Variants in SUPT3H observed in about 807,000 individuals in gnomAD.
The protein encoded by SUPT3H is transcription initiation protein SPT3 homolog.
SUPT3H carries 44 observed loss-of-function variants against 44.3 expected under a neutral mutation model. The observed-to-expected ratio is 0.99, with a 90% CI of 0.78 to 1.28. The LOEUF (loss-of-function observed/expected upper bound fraction) is 1.28. SUPT3H is among the 50% of genes most tolerant of loss of function. SUPT3H has a pLI of 0.00. For missense variants in SUPT3H, 380 were observed against 387.1 expected (o/e 0.98, Z 0.15); for synonymous variants, 124 against 125.6 (o/e 0.99, Z 0.09).
In SUPT3H at chr6:45,299,874, T is replaced by C. The variant is rs913507583; in HGVS notation, c.101+65327A>G. ...AGGAAAAATGTTTTTATGTTCTTTT[T>C]ATTGTCCAACATTTTGTCATTTTTC... is the stretch of plus-strand genomic sequence containing the variant. On this transcript the variant is annotated intron_variant, in intron 2 of 10. Coordinates refer to ENST00000371459, the MANE Select transcript of SUPT3H (RefSeq NM_003599.4). Among the ~76,000 whole-genome samples, 109 of 150,272 alleles carry C rather than the reference T, an allele frequency of 7.3e-4. 1 individual carries two copies. Among genetic ancestry groups the C allele is most frequent in the Non-Finnish European group, 2.2e-4 (15 of 67,608 alleles).
At chr6:45,363,007 T>C (rs1323786989) in intron 2 of SUPT3H, among the ~76,000 whole-genome samples, 2 of 152,074 alleles carry the variant, frequency 1.3e-5, no homozygotes, top group East Asian at 1.9e-4. Flanking sequence ...GGTAGGTACA[T>C]AGGTTTTTTA....
intron 6 of SUPT3H, among the ~76,000 whole-genome samples, chr6:44,979,392 T>A (rs71566509): frequency 0.037 from 5,610 of 152,280 alleles, 167 homozygotes; most frequent in Non-Finnish European, 0.059. Context: ...TTAGTATGAG[T>A]CTTAGGCTAA....
chr6:45,118,536 A>G (rs997520747), intron 2 of SUPT3H, among the ~76,000 whole-genome samples: 1 of 152,078 alleles, frequency 6.6e-6, no homozygotes, highest in African/African-American at 2.4e-5. Flanking sequence ...GCCATGCACC[A>G]TTTGTTCCTA....
At chr6:45,200,577 G>C (rs1762323546) in intron 2 of SUPT3H, among the ~76,000 whole-genome samples, 1 of 151,386 alleles carries the variant, frequency 6.6e-6, no homozygotes, top group African/African-American at 2.4e-5. Context: ...CTGTTTGTAA[G>C]CACTTTACAT....
At chr6:45,257,055 G>A (rs1360520701) in intron 2 of SUPT3H, among the ~76,000 whole-genome samples, 1 of 152,152 alleles carries the variant, frequency 6.6e-6, no homozygotes, top group Admixed American at 6.5e-5. Context: ...ATTCTTACTA[G>A]CAGTGTATGA....
At chr6:45,230,940 G>A (rs182272228) in intron 2 of SUPT3H, among the ~76,000 whole-genome samples, 2 of 151,908 alleles carry the variant, frequency 1.3e-5, no homozygotes, top group East Asian at 3.9e-4. Context: ...CAAAGTGCTG[G>A]GATTACAGGC....
chr6:45,241,574 C>T (rs923707876), intron 2 of SUPT3H, among the ~76,000 whole-genome samples: 12 of 152,186 alleles, frequency 7.9e-5, no homozygotes, highest in East Asian at 5.8e-4. Context: ...AATCTCTGTT[C>T]GGGGCTCTCA....
chr6:44,906,331 T>C (rs539506601), intron 10 of SUPT3H, among the ~76,000 whole-genome samples: 139 of 152,310 alleles, frequency 9.1e-4, no homozygotes, highest in African/African-American at 3.3e-3. Context: ...TCACCTCCTT[T>C]ACAGAGGAAC....
intron 9 of SUPT3H, among the ~76,000 whole-genome samples, chr6:44,941,969 T>C (rs2153466126): frequency 6.6e-6 from 1 of 152,172 alleles, no homozygotes; most frequent in Middle Eastern, 3.4e-3. Flanking sequence ...TGCCACTAAG[T>C]TCAAATTCAA....
intron 3 of SUPT3H, among the ~76,000 whole-genome samples, chr6:45,024,236 T>G (rs1003602078): frequency 1.3e-5 from 2 of 152,184 alleles, no homozygotes; most frequent in Non-Finnish European, 2.9e-5. Context: ...GGTTGAGAAG[T>G]AAAAGGTACA....
chr6:45,176,520 G>C (rs1461888361), intron 2 of SUPT3H, among the ~76,000 whole-genome samples: 1 of 152,074 alleles, frequency 6.6e-6, no homozygotes, highest in Non-Finnish European at 1.5e-5. Context: ...CATTGCCCAG[G>C]CTTGCTTAGG....
At chr6:45,030,878 A>G (rs1260443190) in intron 3 of SUPT3H, among the ~76,000 whole-genome samples, 1 of 152,212 alleles carries the variant, frequency 6.6e-6, no homozygotes, top group Non-Finnish European at 1.5e-5. Context: ...TGATCCATGC[A>G]GAGGGCAAGG....
chr6:44,872,880 C>G (rs901894050), intron 10 of SUPT3H, among the ~76,000 whole-genome samples: 1 of 13,196 alleles, frequency 7.6e-5, no homozygotes, highest in African/African-American at 2.0e-4. Context: ...TTTAAACCAA[C>G]AAAGATCAAA....
chr6:45,245,340 T>A (rs902847270), intron 2 of SUPT3H, among the ~76,000 whole-genome samples: 2 of 152,122 alleles, frequency 1.3e-5, no homozygotes, highest in South Asian at 4.1e-4. Context: ...TAAAATTCAG[T>A]GACATTAAGT....
intron 9 of SUPT3H, among the ~76,000 whole-genome samples, chr6:44,933,566 T>C (rs1770938983): frequency 6.6e-6 from 1 of 152,194 alleles, no homozygotes; most frequent in Non-Finnish European, 1.5e-5. Context: ...ACAATTATAA[T>C]TGCTTGTAGG....
At chr6:45,191,473 AG>A (rs1815123739) in intron 2 of SUPT3H, among the ~76,000 whole-genome samples, 1 of 152,152 alleles carries the variant, frequency 6.6e-6, no homozygotes, top group African/African-American at 2.4e-5. Context: ...TATTCTGTGT[AG>A]TAATATAATG....
In SUPT3H at chr6:45,176,134, G is replaced by A. The variant is rs573603671; in HGVS notation, c.102-70128C>T. On this transcript the variant is annotated intron_variant, in intron 2 of 10. Coordinates refer to ENST00000371459, the MANE Select transcript of SUPT3H (RefSeq NM_003599.4). ...TCCCAGCGTGAGCGACGCAGAAGAC[G>A]GGTGATTTCTGCATTTCCATCTGAG... Among the ~76,000 whole-genome samples the A allele has an allele frequency of 6.8e-4, 104 of 152,072 alleles. No individual in the cohort carries two copies. In the East Asian group the frequency reaches 0.014, roughly 21 times the overall value.
intron 10 of SUPT3H, among the ~76,000 whole-genome samples, chr6:44,868,405 G>A (rs1775841210): frequency 6.6e-6 from 1 of 152,176 alleles, no homozygotes; most frequent in Admixed American, 6.5e-5. Context: ...CTCTAAGGAT[G>A]GAACCATCCA....
chr6:44,903,834 T>C (rs1765524638), intron 10 of SUPT3H, among the ~76,000 whole-genome samples: 1 of 152,166 alleles, frequency 6.6e-6, no homozygotes, highest in South Asian at 2.1e-4. Flanking sequence ...TTATCCACCA[T>C]GATCAAGTGG....
Sources: gnomAD v4.1 joint callset for allele counts (sites outside exome capture counted in the v4.1 genomes callset) on GRCh38, gnomAD v4.1.1 for gene constraint, MANE v1.5 for transcripts, NCBI Gene and HGNC (gene_info 2026-07-23, HGNC 2026-07-21) for gene names.